The following INSL4 variants were observed in gnomAD, a reference collection of about 807,000 sequenced individuals.
The protein encoded by INSL4 is insulin like 4.
INSL4 carries 7 observed loss-of-function variants against 6.5 expected under a neutral mutation model. That is an observed-to-expected ratio of 1.08 (90% confidence interval 0.61 to 2.02). INSL4 has a LOEUF of 2.02. Ranked by LOEUF, INSL4 falls within the 30% of genes most tolerant of loss-of-function variation. INSL4 has a pLI of 0.00. For synonymous variants in INSL4, 82 were observed against 65.8 expected, an observed-to-expected ratio of 1.25 and a Z score of -1.19; for missense variants, 226 against 163.2, an observed-to-expected ratio of 1.38 and a Z score of -2.09.
chr9:5,231,714 C>T lies in INSL4; in HGVS notation c.191C>T (p.Pro64Leu). ...GGGTGGCTGCTGGAATCTGGACGTC[C>T]CAAAGGTGAGAGCCCTGGACTACCA... The part of the protein sequence containing the change: ...PGGWLLESGR[P>L]KEMVSTSNNK... The change falls in exon 1 of 2, where the codon CCC (proline) becomes CTC (leucine). Residue 64 changes from proline to leucine, a missense_variant. Pro to Leu is a moderately conservative substitution (Grantham distance 98). Coordinates refer to ENST00000239316, the MANE Select transcript of INSL4 (RefSeq NM_002195.2). 3 of 1,613,352 alleles carry T rather than the reference C, an allele frequency of 1.9e-6. No individual in the cohort carries two copies. Among genetic ancestry groups the T allele is most frequent in the Non-Finnish European group, 2.5e-6 (3 of 1,179,572 alleles).
rs754904296 is a variant in INSL4 at position 5,233,790 on chromosome 9, CA to C, written c.338del (p.Lys113ArgfsTer15). On this transcript the variant is annotated frameshift_variant, in exon 2 of 2. Transcript: ENST00000239316. LOFTEE classifies it low-confidence loss of function (END_TRUNC). ...PSLKKIILSRKKRSGRHRFDP... is the reference protein window; with the variant it reads ...PSLKKIILSRXKRSGRHRFDP... ...CATTGAAGAAAATAATACTTTCCCGCAAAAAGAGAAGTGGACGTCACAGATT... is the reference window on the plus strand; with the variant it reads ...CATTGAAGAAAATAATACTTTCCCGCAAAAGAGAAGTGGACGTCACAGATT... 1 of 1,613,626 alleles carries C rather than the reference CA, an allele frequency of 6.2e-7. No homozygotes were observed. The highest frequency in any genetic ancestry group is 1.7e-4 in the Middle Eastern group (1 of 6,058).
chr9:5,231,964 C>T (rs1301072721), intron 1 of INSL4, among the ~76,000 whole-genome samples: 1 of 152,078 alleles, frequency 6.6e-6, no homozygotes, highest in East Asian at 1.9e-4. Context: ...GGTGCCTTTC[C>T]CACCTGGCAG....
Position 5,233,754 on chromosome 9 carries a change from A to G in INSL4, c.297A>G (p.Glu99=), listed in dbSNP as rs191217013. The G allele has an allele frequency of 4.3e-6, 7 of 1,613,726 alleles. No homozygotes were observed. The change falls in exon 2 of 2, where the codon GAA becomes GAG. Residue 99 remains glutamate (E), a synonymous_variant. Coordinates refer to ENST00000239316, the MANE Select transcript of INSL4 (RefSeq NM_002195.2). ...CAGAGCTGAAGAAACCACTGTCTGA[A>G]GGGCAGCCATCATTGAAGAAAATAA... ...LSPELKKPLS[E]GQPSLKKIIL... is the part of the protein sequence containing the mutation.
At position 5,234,122 on chromosome 9, in the gene INSL4, C is replaced by T; in HGVS notation, c.*245C>T. 2.4e-6 allele frequency: 1 copy of T among 416,214 alleles called. No individual in the cohort carries two copies. The allele number at this position is 416,214 out of a possible 1,614,324, so 25.8% of individuals were successfully genotyped here. On this transcript the variant is annotated 3_prime_UTR_variant, in exon 2 of 2. Coordinates refer to ENST00000239316, the MANE Select transcript of INSL4 (RefSeq NM_002195.2). ...ACTTAACAATAATTCACTGTATATT[C>T]CAAAATAGCTAGAAGAGAATTGTAA...
rs1460868807 is a variant in INSL4 at position 5,234,184 on chromosome 9, T to G, written c.*307T>G. ...CAAAAAAGATGAATGTTAGTTTGGA[T>G]GCATATCCCAATTACCCTGATTTGA... On this transcript the variant is annotated 3_prime_UTR_variant, in exon 2 of 2. Coordinates refer to ENST00000239316, the MANE Select transcript of INSL4 (RefSeq NM_002195.2). 1.3e-5 allele frequency: 4 copies of G among 302,738 alleles called. No individual in the cohort carries two copies. The highest frequency in any genetic ancestry group is 6.5e-5 in the African/African-American group (3 of 46,142). 18.8% of individuals were successfully genotyped at this position (302,738 alleles called of 1,614,324 possible).
At chr9:5,232,023 A>G (rs1826153916) in intron 1 of INSL4, among the ~76,000 whole-genome samples, 2 of 152,142 alleles carry the variant, frequency 1.3e-5, no homozygotes, top group Admixed American at 1.3e-4. Context: ...GAAGGTGACT[A>G]TTCTCAAACA....
At position 5,233,704 on chromosome 9, in the gene INSL4, T is replaced by C. The variant is rs1826182560; in HGVS notation, c.247T>C (p.Ser83Pro). ...NKDGQALGTTSEFIPNLSPEL... is the reference protein window; with the variant it reads ...NKDGQALGTTPEFIPNLSPEL... ...AGATGGACAAGCCTTAGGTACGACATCAGAATTCATTCCTAATTTGTCACC... is the reference window on the plus strand; with the variant it reads ...AGATGGACAAGCCTTAGGTACGACACCAGAATTCATTCCTAATTTGTCACC... Residue 83 changes from serine to proline, a missense_variant, in exon 2 of 2, where the codon TCA becomes CCA. By Grantham distance (74) the Ser-to-Pro change is moderately conservative. Coordinates refer to ENST00000239316, the MANE Select transcript of INSL4 (RefSeq NM_002195.2). The C allele has an allele frequency of 6.2e-7, 1 of 1,613,700 alleles. No homozygotes were observed. The highest frequency in any genetic ancestry group is 8.5e-7 in the Non-Finnish European group (1 of 1,179,754).
In INSL4 at chr9:5,231,523, G is replaced by A; in HGVS notation, c.-1G>A. 1 of 1,612,058 alleles carries A rather than the reference G, an allele frequency of 6.2e-7. No homozygotes were observed. Among genetic ancestry groups the A allele is most frequent in the East Asian group, 2.2e-5 (1 of 44,846 alleles). ...CCAGAACAGGAGAGTTCAGGTCCAG[G>A]ATGGCCAGCCTGTTCCGGTCCTATC... On this transcript the variant is annotated 5_prime_UTR_variant, in exon 1 of 2. Transcript: ENST00000239316.
chr9:5,231,774 A>G (rs1016025434), intron 1 of INSL4, 55 bp downstream of exon 1: 15 of 1,504,170 alleles, frequency 1.0e-5, no homozygotes, highest in African/African-American at 1.4e-5. Context: ...AACAGGCTCC[A>G]GATCTCATTG....
rs202152936 is a variant in INSL4, at chr9:5,231,711, G to T, written c.188G>T (p.Arg63Leu). The change falls in exon 1 of 2, where the codon CGT (arginine) becomes CTT (leucine). Residue 63 changes from arginine to leucine, a missense_variant. Transcript: ENST00000239316. ...GGAGGGTGGCTGCTGGAATCTGGAC[G>T]TCCCAAAGGTGAGAGCCCTGGACTA... ...TPGGWLLESG[R>L]PKEMVSTSNN... 6.2e-7 allele frequency: 1 copy of T among 1,613,496 alleles called. No individual in the cohort carries two copies. Among genetic ancestry groups the T allele is most frequent in the South Asian group, 1.1e-5 (1 of 91,036 alleles).
chr9:5,232,458 T>C (rs1826162495), intron 1 of INSL4, among the ~76,000 whole-genome samples: 1 of 152,096 alleles, frequency 6.6e-6, no homozygotes, highest in Non-Finnish European at 1.5e-5. Flanking sequence ...GAGGGGAAAT[T>C]GAAGGGGACC....
At chr9:5,233,187 T>C (rs1826173984) in intron 1 of INSL4, among the ~76,000 whole-genome samples, 2 of 152,150 alleles carry the variant, frequency 1.3e-5, no homozygotes, top group African/African-American at 4.8e-5. Context: ...TGTCGACACA[T>C]ATAGATGTAT....
At chr9:5,233,032 G>T (rs1340100837) in intron 1 of INSL4, among the ~76,000 whole-genome samples, 2 of 152,130 alleles carry the variant, frequency 1.3e-5, no homozygotes, top group African/African-American at 2.4e-5. Context: ...AACTAAGGAA[G>T]AGCATGCTGT....
Position 5,233,983 on chromosome 9 carries a change from C to T in INSL4, c.*106C>T. 1.3e-6 allele frequency: 1 copy of T among 752,978 alleles called. No individual in the cohort carries two copies. Among genetic ancestry groups the T allele is most frequent in the Non-Finnish European group, 2.2e-6 (1 of 444,592 alleles). 46.6% of individuals were successfully genotyped at this position (752,978 alleles called of 1,614,324 possible). On this transcript the variant is annotated 3_prime_UTR_variant, in exon 2 of 2. Transcript: ENST00000239316. ...TTGCTGTTTATTAGAACATGAGAAT[C>T]ATTATTAGTATTCACATGTTTCACT...
intron 1 of INSL4, among the ~76,000 whole-genome samples, chr9:5,232,896 G>C (rs957192122): frequency 6.6e-6 from 1 of 152,076 alleles, no homozygotes; most frequent in Non-Finnish European, 1.5e-5. Context: ...AATGCACTTG[G>C]ATTTTGTGTG....
At position 5,231,579 on chromosome 9, in the gene INSL4, T is replaced by C. The variant is rs1217164913; in HGVS notation, c.56T>C (p.Leu19Pro). Residue 19 changes from leucine to proline, a missense_variant, in exon 1 of 2, where the codon CTC (leucine) becomes CCC (proline). Physicochemically the swap from Leu to Pro is moderately conservative, Grantham distance 98 (BLOSUM62 -3). Transcript: ENST00000239316. ...LPAIWLLLSQ[L>P]LRESLAAELR... ...GCAATCTGGCTGCTGCTGAGCCAAC[T>C]CCTTAGAGAAAGCCTAGCAGCAGAG... 1.2e-6 allele frequency: 2 copies of C among 1,613,716 alleles called. No individual in the cohort carries two copies. The highest frequency in any genetic ancestry group is 8.5e-7 in the Non-Finnish European group (1 of 1,179,882).
At position 5,233,837 on chromosome 9, in the gene INSL4, T is replaced by C. The variant is rs767234140; in HGVS notation, c.380T>C (p.Val127Ala). The C allele has an allele frequency of 1.2e-6, 2 of 1,613,514 alleles. No individual in the cohort carries two copies. Among genetic ancestry groups the C allele is most frequent in the Non-Finnish European group, 1.7e-6 (2 of 1,179,574 alleles). The stretch of plus-strand genomic sequence containing the variant: ...AGATTTGATCCATTCTGTTGTGAAG[T>C]AATTTGTGACGATGGAACTTCAGTT... Reference protein sequence around the residue: ...RHRFDPFCCEVICDDGTSVKL... With the variant: ...RHRFDPFCCEAICDDGTSVKL... The change falls in exon 2 of 2, where the codon GTA (valine) becomes GCA (alanine). Residue 127 changes from valine (V) to alanine (A), a missense_variant. Coordinates refer to ENST00000239316, the MANE Select transcript of INSL4 (RefSeq NM_002195.2).
At chr9:5,232,588 A>G (rs1456189882) in intron 1 of INSL4, among the ~76,000 whole-genome samples, 2 of 152,214 alleles carry the variant, frequency 1.3e-5, no homozygotes, top group Non-Finnish European at 2.9e-5. Context: ...AAAGTTCAAT[A>G]CCAGGATAGT....
intron 1 of INSL4, among the ~76,000 whole-genome samples, chr9:5,232,897 A>T (rs1826169207): frequency 6.6e-6 from 1 of 152,152 alleles, no homozygotes; most frequent in African/African-American, 2.4e-5. Flanking sequence ...ATGCACTTGG[A>T]TTTTGTGTGA....
Sources: allele counts gnomAD v4.1 joint callset (sites outside exome capture counted in the v4.1 genomes callset), GRCh38; gene constraint gnomAD v4.1.1; transcripts MANE v1.5; gene names NCBI Gene and HGNC (gene_info 2026-07-23, HGNC 2026-07-21).